RGSL1: variants seen among roughly 807,000 people sequenced by gnomAD.
RGSL1 encodes regulator of G protein signaling protein-like.
A neutral mutation model predicts 124.7 loss-of-function variants in RGSL1; 97 were observed. The ratio of observed to expected loss-of-function variants is 0.78; its 90% CI spans 0.66 to 0.92. RGSL1 has a LOEUF of 0.92. Ranked by LOEUF, RGSL1 falls within the 40% of genes least tolerant of loss-of-function variation. The probability of loss-of-function intolerance (pLI) is 0.00; values close to 1 mark genes in which losing one functional copy is unlikely to be tolerated. For missense variants in RGSL1, 1,233 were observed against 1,288.4 expected, an observed-to-expected ratio of 0.96 and a Z score of 0.66; for synonymous variants, 424 against 438.1, an observed-to-expected ratio of 0.97 and a Z score of 0.40.
rs138031054 is a variant in RGSL1 at position 182,519,099 on chromosome 1, G to A, written c.1826-2905G>A. On this transcript the variant is annotated intron_variant, in intron 9 of 21. Coordinates refer to ENST00000294854, the MANE Select transcript of RGSL1 (RefSeq NM_001137669.2). ...GTGACTACCATATAGATTTCCAAAT[G>A]CATCCCTGACATATTAAAGTTTGAT... is the stretch of plus-strand genomic sequence containing the variant. 1.5e-4 allele frequency among the ~76,000 whole-genome samples: 23 copies of A among 151,958 alleles called. No individual in the cohort carries two copies. The East Asian group carries it at 2.7e-3, about 18-fold the overall frequency.
chr1:182,475,812 G>A (rs751620049), intron 6 of RGSL1, among the ~76,000 whole-genome samples: 5 of 152,172 alleles, frequency 3.3e-5, no homozygotes, highest in Non-Finnish European at 5.9e-5. Flanking sequence ...AGAGTAGAAA[G>A]TAGATCTGGA....
chr1:182,540,026 G>A (rs3843290), intron 14 of RGSL1, among the ~76,000 whole-genome samples: 78,699 of 151,912 alleles, frequency 0.52, 20,643 homozygotes, highest in Non-Finnish European at 0.55. Context: ...AAGCACCTTC[G>A]GTGCTCAGTT....
intron 12 of RGSL1, 28 bp downstream of exon 12, chr1:182,530,389 T>G (rs1158272434): frequency 1.3e-6 from 2 of 1,519,076 alleles, no homozygotes; most frequent in East Asian, 4.9e-5. Flanking sequence ...AGGAAAGGAT[T>G]CTTCCTGGAG....
rs377412906 is a variant in RGSL1, at chr1:182,474,440, G to A, written c.1329G>A (p.Pro443=). 12 of 1,551,896 alleles carry A rather than the reference G, an allele frequency of 7.7e-6. No homozygotes were observed. The highest frequency in any genetic ancestry group is 2.4e-5 in the East Asian group (1 of 40,938). The change falls in exon 6 of 22, where the codon CCG becomes CCA. Residue 443 remains proline (P), a synonymous_variant. Transcript: ENST00000294854. ...CELYLNEQIG[P]CLPLKSQTIQ... ...TCTACCTGAATGAGCAGATTGGTCCGTGCTTACCACTCAAATCCCAAACCA... is the reference window on the plus strand; with the variant it reads ...TCTACCTGAATGAGCAGATTGGTCCATGCTTACCACTCAAATCCCAAACCA...
At chr1:182,516,348 G>A (rs1362641695) in intron 9 of RGSL1, among the ~76,000 whole-genome samples, 1 of 152,164 alleles carries the variant, frequency 6.6e-6, no homozygotes, top group Non-Finnish European at 1.5e-5. Context: ...TCATCTGTAT[G>A]GGTGAAGTTA....
intron 15 of RGSL1, 24 bp from the exon 16 acceptor site, chr1:182,548,293 T>G: frequency 1.9e-6 from 3 of 1,551,712 alleles, no homozygotes; most frequent in Non-Finnish European, 2.6e-6. Context: ...CCTCCTGATT[T>G]CCTACTTCAC....
intron 6 of RGSL1, among the ~76,000 whole-genome samples, chr1:182,479,102 A>G (rs2102057949): frequency 6.6e-6 from 1 of 152,320 alleles, no homozygotes; most frequent in East Asian, 1.9e-4. Context: ...GAACTTCAAG[A>G]ATAAGGTGAA....
chr1:182,471,623 A>T (rs1653850895), intron 4 of RGSL1, among the ~76,000 whole-genome samples: 1 of 152,192 alleles, frequency 6.6e-6, no homozygotes, highest in Non-Finnish European at 1.5e-5. Flanking sequence ...AAGCACTGCT[A>T]TGTGGCAGCC....
Position 182,540,266 on chromosome 1 carries a change from C to A in RGSL1, c.2514C>A (p.Asn838Lys). 1 of 1,550,174 alleles carries A rather than the reference C, an allele frequency of 6.5e-7. No individual in the cohort carries two copies. The highest frequency in any genetic ancestry group is 8.7e-7 in the Non-Finnish European group (1 of 1,146,362). Reference sequence around the variant, plus strand: ...TCTCAGATTTCACCACAGCACACAACACATCGGGACGTTCAGCTCCACCCT... The same window carrying A: ...TCTCAGATTTCACCACAGCACACAAAACATCGGGACGTTCAGCTCCACCCT... ...NSKENFTTAH[N>K]TSGRSAPPST... The change falls in exon 15 of 22, where the codon AAC becomes AAA. Residue 838 changes from asparagine to lysine, a missense_variant. Coordinates refer to ENST00000294854, the MANE Select transcript of RGSL1 (RefSeq NM_001137669.2).
At position 182,493,003 on chromosome 1, in the gene RGSL1, GT is replaced by G. The variant is rs778687216; in HGVS notation, c.1718-14del. On this transcript the variant is annotated intron_variant, in intron 8 of 21. Coordinates refer to ENST00000294854, the MANE Select transcript of RGSL1 (RefSeq NM_001137669.2). Reference sequence around the variant, plus strand: ...CTTTGGACAACTAAACTCTATCTCTGTTTTTCCTTACTTCACAGACATAACT... The same window carrying G: ...CTTTGGACAACTAAACTCTATCTCTGTTTTCCTTACTTCACAGACATAACT... The G allele has an allele frequency of 6.7e-7, 1 of 1,492,146 alleles. No homozygotes were observed. The highest frequency in any genetic ancestry group is 1.2e-5 in the South Asian group (1 of 82,790). 92.4% of individuals were successfully genotyped at this position (1,492,146 alleles called of 1,614,324 possible).
At chr1:182,466,330 A>G (rs116461468) in intron 4 of RGSL1, among the ~76,000 whole-genome samples, 378 of 152,254 alleles carry the variant, frequency 2.5e-3, no homozygotes, top group African/African-American at 8.5e-3. Context: ...CGGCCAAAAG[A>G]AGAAGGAAAA....
intron 1 of RGSL1, among the ~76,000 whole-genome samples, chr1:182,452,818 T>G (rs1651958332): frequency 6.6e-6 from 1 of 152,150 alleles, no homozygotes; most frequent in South Asian, 2.1e-4. Context: ...GGAAAAATGA[T>G]TGTTTAGTTT....
chr1:182,510,696 G>GGC (rs1657385474), intron 9 of RGSL1, among the ~76,000 whole-genome samples: 1 of 71,758 alleles, frequency 1.4e-5, no homozygotes, highest in Non-Finnish European at 3.0e-5. Flanking sequence ...GAGGGAGAGG[G>GGC]AGAGGGAGAG....
chr1:182,455,683 G>A (rs1219010379), intron 2 of RGSL1, among the ~76,000 whole-genome samples: 1 of 152,148 alleles, frequency 6.6e-6, no homozygotes, highest in South Asian at 2.1e-4. Context: ...GAAAGTAAAG[G>A]CACCAAAGAA....
At chr1:182,530,452 T>C in intron 12 of RGSL1, 91 bp downstream of exon 12, 2 of 992,992 alleles carry the variant, frequency 2.0e-6, no homozygotes, top group South Asian at 1.6e-5. Flanking sequence ...TAATCCATTT[T>C]CATAGCTCAT....
At chr1:182,483,799 G>A (rs567577108) in intron 6 of RGSL1, among the ~76,000 whole-genome samples, 1 of 152,240 alleles carries the variant, frequency 6.6e-6, no homozygotes, top group African/African-American at 2.4e-5. Flanking sequence ...TGCCCACAGA[G>A]CCAGGATATG....
chr1:182,491,891 T>C (rs2102107231), intron 8 of RGSL1, among the ~76,000 whole-genome samples: 1 of 152,322 alleles, frequency 6.6e-6, no homozygotes, highest in East Asian at 1.9e-4. Context: ...CTATTCTGCT[T>C]CTGTTAACCA....
chr1:182,480,819 A>C (rs559992675), intron 6 of RGSL1, among the ~76,000 whole-genome samples: 4 of 152,174 alleles, frequency 2.6e-5, no homozygotes, highest in Non-Finnish European at 5.9e-5. Flanking sequence ...GAAAATGGGA[A>C]AATTTATAAA....
intron 4 of RGSL1, chr1:182,460,883 C>T (rs1299185488): frequency 2.7e-6 from 1 of 374,498 alleles, no homozygotes; most frequent in Non-Finnish European, 5.3e-6. Context: ...TTACCCTCAA[C>T]CCCAGCCCCA....
Sources: allele counts gnomAD v4.1 joint callset (sites outside exome capture counted in the v4.1 genomes callset), GRCh38; gene constraint gnomAD v4.1.1; transcripts MANE v1.5; gene names NCBI Gene and HGNC (gene_info 2026-07-23, HGNC 2026-07-21).